Variants in CCDC73 observed in about 807,000 individuals in gnomAD.
The protein encoded by CCDC73 is coiled-coil domain-containing protein 73.
Under a neutral mutation model 116.5 loss-of-function variants are expected in CCDC73, and 95 were observed. The ratio of observed to expected loss-of-function variants is 0.82; its 90% CI spans 0.69 to 0.97. The LOEUF (loss-of-function observed/expected upper bound fraction) is 0.97. Among genes scored for constraint, CCDC73 ranks in the 50% least tolerant of loss-of-function variants. The probability of loss-of-function intolerance (pLI) is 0.00; values close to 1 mark genes in which losing one functional copy is unlikely to be tolerated. For synonymous variants in CCDC73, 398 were observed against 401.3 expected (o/e 0.99, Z 0.10); for missense variants, 1,066 against 1,206.8 (o/e 0.88, Z 1.73).
chr11:32,759,893 C>T (rs868338535), intron 2 of CCDC73, among the ~76,000 whole-genome samples: 3 of 152,126 alleles, frequency 2.0e-5, no homozygotes, highest in African/African-American at 7.2e-5. Flanking sequence ...AATCTGAAAA[C>T]TCTTCTTTTA....
intron 7 of CCDC73, chr11:32,681,286 T>C (rs1405504623): frequency 1.3e-5 from 2 of 151,998 alleles, no homozygotes; most frequent in East Asian, 3.8e-4. Flanking sequence ...CCCAACATGG[T>C]CATCTATGTA....
intron 16 of CCDC73, among the ~76,000 whole-genome samples, chr11:32,611,845 C>T (rs1855425345): frequency 6.6e-6 from 1 of 152,078 alleles, no homozygotes; most frequent in Non-Finnish European, 1.5e-5. Context: ...TGAATTTCTA[C>T]AGAATTTTAG....
intron 1 of CCDC73, among the ~76,000 whole-genome samples, chr11:32,765,261 G>A (rs557152429): frequency 1.7e-4 from 26 of 152,208 alleles, no homozygotes; most frequent in Non-Finnish European, 3.5e-4. Context: ...TGCACCAAGT[G>A]GACCTAAGAG....
chr11:32,757,967 C>G (rs1850357808), intron 2 of CCDC73, among the ~76,000 whole-genome samples: 1 of 152,192 alleles, frequency 6.6e-6, no homozygotes, highest in Admixed American at 6.5e-5. Context: ...CATATTCTGT[C>G]TACCACAATG....
chr11:32,797,197 A>T (rs1367914388), upstream of CCDC73, among the ~76,000 whole-genome samples: 2 of 152,158 alleles, frequency 1.3e-5, no homozygotes, highest in Non-Finnish European at 2.9e-5. Flanking sequence ...CTATAGTCCC[A>T]GTTGCTTTGG....
chr11:32,642,300 A>G (rs912839825), intron 12 of CCDC73, among the ~76,000 whole-genome samples: 6 of 152,022 alleles, frequency 3.9e-5, no homozygotes. Context: ...AAATGGCTAT[A>G]AAAGAGTATA....
chr11:32,802,120 C>A, the CCDC73 span, among the ~76,000 whole-genome samples: 7 of 152,106 alleles, frequency 4.6e-5, no homozygotes, highest in Non-Finnish European at 1.0e-4. Flanking sequence ...ACAGTAACAG[C>A]CTATAAAAAA....
At position 32,699,280 on chromosome 11, in the gene CCDC73, C is replaced by T. The variant is rs1206459715; in HGVS notation, c.361G>A (p.Gly121Arg). 6.3e-7 allele frequency: 1 copy of T among 1,577,574 alleles called. No individual in the cohort carries two copies. The highest frequency in any genetic ancestry group is 1.7e-5 in the Admixed American group (1 of 57,750). ...ATEIKEKEIEGLKETLKALQV... is the reference protein window; with the variant it reads ...ATEIKEKEIERLKETLKALQV... ...AGTGCTTTTAATGTTTCCTTCAATC[C>T]TTCTATTTCTTTTTCCTTTATTTCT... Residue 121 changes from glycine (G) to arginine (R), a missense_variant, in exon 6 of 18, where the codon GGA becomes AGA. Coordinates refer to ENST00000335185, the MANE Select transcript of CCDC73 (RefSeq NM_001008391.4).
chr11:32,784,607 A>C (rs1306652154), intron 1 of CCDC73, among the ~76,000 whole-genome samples: 1 of 152,256 alleles, frequency 6.6e-6, no homozygotes, highest in Non-Finnish European at 1.5e-5. Context: ...ATTTACAAAC[A>C]TACTATTTAA....
At chr11:32,605,503 A>T (rs550816600) in intron 17 of CCDC73, 1 of 152,300 alleles carries the variant, frequency 6.6e-6, no homozygotes, top group African/African-American at 2.4e-5. Flanking sequence ...ACCTACATAA[A>T]TATTTCCTAT....
intron 12 of CCDC73, among the ~76,000 whole-genome samples, chr11:32,652,630 G>C (rs1386960860): frequency 1.3e-5 from 2 of 152,154 alleles, no homozygotes; most frequent in African/African-American, 4.8e-5. Flanking sequence ...GGCCAACAAT[G>C]TCTTCTCCTT....
At chr11:32,793,278 G>A (rs907303486) in intron 1 of CCDC73, among the ~76,000 whole-genome samples, 12 of 152,198 alleles carry the variant, frequency 7.9e-5, no homozygotes, top group African/African-American at 2.9e-4. Context: ...CCGAAGAAAT[G>A]GCTGAGAGAA....
At chr11:32,730,581 T>G (rs1386581081) in intron 2 of CCDC73, among the ~76,000 whole-genome samples, 3 of 152,234 alleles carry the variant, frequency 2.0e-5, no homozygotes, top group Non-Finnish European at 4.4e-5. Context: ...TTTCCACTTG[T>G]GGCTGCTTTT....
At chr11:32,771,442 T>C (rs141331099) in intron 1 of CCDC73, among the ~76,000 whole-genome samples, 148 of 152,318 alleles carry the variant, frequency 9.7e-4, no homozygotes, top group Middle Eastern at 3.4e-3. Context: ...CCCACTTGCA[T>C]TTCAGAAATG....
intron 13 of CCDC73, among the ~76,000 whole-genome samples, chr11:32,637,020 T>TTTC (rs762886788): frequency 0.023 from 3,138 of 135,268 alleles, 33 homozygotes; most frequent in Non-Finnish European, 0.033. Flanking sequence ...TCTTTTTCTT[T>TTTC]TTTTTTTTTT....
chr11:32,733,381 G>T (rs539557444), intron 2 of CCDC73, among the ~76,000 whole-genome samples: 1 of 151,968 alleles, frequency 6.6e-6, no homozygotes, highest in South Asian at 2.1e-4. Flanking sequence ...GTTAAAAAGG[G>T]TATCCAGGAA....
chr11:32,692,075 A>G (rs923580512), intron 6 of CCDC73, among the ~76,000 whole-genome samples: 1 of 148,246 alleles, frequency 6.7e-6, no homozygotes, highest in Admixed American at 6.8e-5. Context: ...AAAAAAAGCC[A>G]TCAGCAAACC....
intron 17 of CCDC73, among the ~76,000 whole-genome samples, chr11:32,607,065 C>T (rs1855361103): frequency 6.8e-6 from 1 of 147,204 alleles, no homozygotes; most frequent in Non-Finnish European, 1.5e-5. Flanking sequence ...GCCCACCACG[C>T]CCAGCCAAAA....
At position 32,718,070 on chromosome 11, in the gene CCDC73, A is replaced by G. The variant is rs1319411110; in HGVS notation, c.207+6T>C. ...TGGGGACACAAAGCCTAATCATATT[A>G]CTCACCTTTTGCCATTTAAGTTCCT... On this transcript the variant is annotated splice_donor_region_variant and intron_variant, in intron 3 of 17. Transcript: ENST00000335185. 1 of 1,592,722 alleles carries G rather than the reference A, an allele frequency of 6.3e-7. No individual in the cohort carries two copies. Among genetic ancestry groups the G allele is most frequent in the South Asian group, 1.1e-5 (1 of 89,216 alleles).
Sources: gnomAD v4.1 joint callset for allele counts (sites outside exome capture counted in the v4.1 genomes callset) on GRCh38, gnomAD v4.1.1 for gene constraint, MANE v1.5 for transcripts, NCBI Gene and HGNC (gene_info 2026-07-23, HGNC 2026-07-21) for gene names.